The following FBXL7 variants were observed in gnomAD, a reference collection of about 807,000 sequenced individuals.
FBXL7 encodes F-box and leucine rich repeat protein 7, also known as F-box/LRR-repeat protein 7.
A neutral mutation model predicts 38.3 loss-of-function variants in FBXL7; 12 were observed. The ratio of observed to expected loss-of-function variants is 0.31; its 90% CI spans 0.20 to 0.51. The LOEUF (loss-of-function observed/expected upper bound fraction) is 0.51. Ranked by LOEUF, FBXL7 falls within the 20% of genes least tolerant of loss-of-function variation. FBXL7 has a pLI of 0.98. For synonymous variants in FBXL7, 297 were observed against 300.9 expected (o/e 0.99, Z 0.13); for missense variants, 567 against 676.4 (o/e 0.84, Z 1.79).
At chr5:15,625,435 A>G (rs1400024831) in intron 2 of FBXL7, among the ~76,000 whole-genome samples, 2 of 152,148 alleles carry the variant, frequency 1.3e-5, no homozygotes, top group Non-Finnish European at 2.9e-5. Flanking sequence ...GGCCGATCAC[A>G]TGAGGTCAGG....
chr5:15,853,731 G>T (rs2126797713), intron 2 of FBXL7, among the ~76,000 whole-genome samples: 1 of 152,234 alleles, frequency 6.6e-6, no homozygotes, highest in Admixed American at 6.5e-5. Context: ...AGGCAAGAAG[G>T]GGCAAAGCAT....
At chr5:15,628,161 C>T (rs1181551119) in intron 2 of FBXL7, among the ~76,000 whole-genome samples, 1 of 152,156 alleles carries the variant, frequency 6.6e-6, no homozygotes, top group African/African-American at 2.4e-5. Context: ...TTGTTTATAG[C>T]GGCTAGTGGT....
intron 2 of FBXL7, among the ~76,000 whole-genome samples, chr5:15,678,647 T>C (rs979843385): frequency 6.6e-6 from 1 of 152,194 alleles, no homozygotes; most frequent in Non-Finnish European, 1.5e-5. Flanking sequence ...TGGGAGATAA[T>C]TGAATCATGG....
At chr5:15,785,808 C>G (rs1055852364) in intron 2 of FBXL7, among the ~76,000 whole-genome samples, 2 of 152,232 alleles carry the variant, frequency 1.3e-5, no homozygotes, top group African/African-American at 4.8e-5. Context: ...TTTAAGCCCC[C>G]TCGCAGTTCA....
Position 15,743,077 on chromosome 5 carries a change from G to A in FBXL7, c.127+127005G>A, listed in dbSNP as rs201849113. On this transcript the variant is annotated intron_variant, in intron 2 of 3. Coordinates refer to ENST00000504595, the MANE Select transcript of FBXL7 (RefSeq NM_012304.5). Reference sequence around the variant, plus strand: ...AGCTACGATTCAAGATGAGATTTGGGTGAAGACACAGCCAAACCATATCAT... The same window carrying A: ...AGCTACGATTCAAGATGAGATTTGGATGAAGACACAGCCAAACCATATCAT... Among the ~76,000 whole-genome samples, 5 of 152,098 alleles carry A rather than the reference G, an allele frequency of 3.3e-5. No individual in the cohort carries two copies. In the East Asian group the frequency reaches 9.7e-4, roughly 29 times the overall value.
chr5:15,623,011 T>C (rs1358039151), intron 2 of FBXL7, among the ~76,000 whole-genome samples: 2 of 152,202 alleles, frequency 1.3e-5, no homozygotes, highest in Non-Finnish European at 2.9e-5. Flanking sequence ...AGCAAGGGTT[T>C]GCTTATGATT....
chr5:15,897,198 A>G (rs1741124861), intron 2 of FBXL7, among the ~76,000 whole-genome samples: 1 of 152,100 alleles, frequency 6.6e-6, no homozygotes, highest in Non-Finnish European at 1.5e-5. Flanking sequence ...CAAAATTTTG[A>G]AGGGTCTTCT....
chr5:15,788,481 C>A (rs535540178), intron 2 of FBXL7, among the ~76,000 whole-genome samples: 1 of 152,130 alleles, frequency 6.6e-6, no homozygotes, highest in Non-Finnish European at 1.5e-5. Flanking sequence ...AGAAAAGAAG[C>A]ATCTCAAATT....
At chr5:15,880,723 A>ATG (rs1243121965) in intron 2 of FBXL7, among the ~76,000 whole-genome samples, 1 of 139,436 alleles carries the variant, frequency 7.2e-6, no homozygotes, top group East Asian at 2.0e-4. Context: ...ATACTATATT[A>ATG]TATATATATA....
rs556798905 is a variant in FBXL7 at position 15,746,124 on chromosome 5, G to T, written c.127+130052G>T. On this transcript the variant is annotated intron_variant, in intron 2 of 3. Transcript: ENST00000504595. The stretch of plus-strand genomic sequence containing the variant: ...TGTGGTAGAATGATACTAGTCAAGA[G>T]TGAATCCTAAGTGCTTAGCCTGAAA... 2.6e-5 allele frequency among the ~76,000 whole-genome samples: 4 copies of T among 152,250 alleles called. No homozygotes were observed. The South Asian group carries it at 8.3e-4, about 32-fold the overall frequency.
chr5:15,721,049 C>G (rs1579406349), intron 2 of FBXL7, among the ~76,000 whole-genome samples: 1 of 152,190 alleles, frequency 6.6e-6, no homozygotes, highest in East Asian at 1.9e-4. Context: ...AAGATCACAT[C>G]TTAAATTTCA....
chr5:15,792,230 G>T (rs910741681), intron 2 of FBXL7, among the ~76,000 whole-genome samples: 1 of 152,164 alleles, frequency 6.6e-6, no homozygotes, highest in African/African-American at 2.4e-5. Context: ...ATGATTAAAT[G>T]ATGCCATGGA....
chr5:15,934,161 T>G (rs1442164654), intron 3 of FBXL7, among the ~76,000 whole-genome samples: 1 of 152,122 alleles, frequency 6.6e-6, no homozygotes, highest in Non-Finnish European at 1.5e-5. Context: ...TGCACCACCA[T>G]ACCTGGCTAA....
At chr5:15,510,184 CAATGTGTAGA>C (rs1207094304) in intron 1 of FBXL7, among the ~76,000 whole-genome samples, 1 of 152,152 alleles carries the variant, frequency 6.6e-6, no homozygotes, top group Non-Finnish European at 1.5e-5. Context: ...AAGCCATGAG[CAATGTGTAGA>C]AATGTTATTA....
chr5:15,869,349 C>T (rs571290380), intron 2 of FBXL7, among the ~76,000 whole-genome samples: 4 of 152,270 alleles, frequency 2.6e-5, no homozygotes, highest in Admixed American at 6.5e-5. Context: ...CCACATCATG[C>T]TCCCCAGGCT....
intron 2 of FBXL7, among the ~76,000 whole-genome samples, chr5:15,619,915 C>G (rs1740571977): frequency 6.6e-6 from 1 of 152,138 alleles, no homozygotes; most frequent in Admixed American, 6.5e-5. Context: ...CAGGTGTTGT[C>G]ACTTCGTAGA....
At chr5:15,769,196 G>A (rs1215774054) in intron 2 of FBXL7, among the ~76,000 whole-genome samples, 1 of 152,172 alleles carries the variant, frequency 6.6e-6, no homozygotes, top group East Asian at 1.9e-4. Flanking sequence ...GAAGACTGAA[G>A]TTCCAGGAAC....
At chr5:15,799,964 C>A (rs1046345459) in intron 2 of FBXL7, among the ~76,000 whole-genome samples, 1 of 152,058 alleles carries the variant, frequency 6.6e-6, no homozygotes, top group African/African-American at 2.4e-5. Context: ...ACTAAAATCA[C>A]GGTCCAGCAA....
chr5:15,897,737 T>C (rs968639996), intron 2 of FBXL7, among the ~76,000 whole-genome samples: 2 of 152,302 alleles, frequency 1.3e-5, no homozygotes, highest in African/African-American at 4.8e-5. Flanking sequence ...AAAAATTGTG[T>C]TGAAGCCCCA....
Sources: gnomAD v4.1 joint callset for allele counts (sites outside exome capture counted in the v4.1 genomes callset) on GRCh38, gnomAD v4.1.1 for gene constraint, MANE v1.5 for transcripts, NCBI Gene and HGNC (gene_info 2026-07-23, HGNC 2026-07-21) for gene names.